Variants in CFAP47 observed in about 807,000 individuals in gnomAD.
CFAP47 encodes cilia- and flagella-associated protein 47.
Under a neutral mutation model 148.1 loss-of-function variants are expected in CFAP47, and 29 were observed. The observed-to-expected ratio is 0.20, with a 90% CI of 0.15 to 0.27. The LOEUF (loss-of-function observed/expected upper bound fraction) is 0.27, where lower values mean the gene tolerates loss of function less well. Ranked by LOEUF, CFAP47 falls within the 10% of genes least tolerant of loss-of-function variation. The pLI, the probability that CFAP47 is intolerant of heterozygous loss-of-function variation, is 1.00. For synonymous variants in CFAP47, 664 were observed against 577.3 expected (o/e 1.15, Z -2.15); for missense variants, 1,872 against 1,697.5 (o/e 1.10, Z -1.81).
At chrX:36,101,198 C>T (rs1390292191) in intron 32 of CFAP47, among the ~76,000 whole-genome samples, 3 of 112,127 alleles carry the variant, frequency 2.7e-5, no homozygotes, top group African/African-American at 6.5e-5. Flanking sequence ...CTCTGCTTCA[C>T]CAGAAGCATG....
chrX:36,144,096 C>T (rs1939190287), intron 35 of CFAP47, among the ~76,000 whole-genome samples: 1 of 112,121 alleles, frequency 8.9e-6, no homozygotes. Context: ...AAAAAATACA[C>T]TCTTTTCCTC....
chrX:36,256,567 C>T (rs1420628488), intron 49 of CFAP47, among the ~76,000 whole-genome samples: 2 of 111,442 alleles, frequency 1.8e-5, no homozygotes, highest in Non-Finnish European at 3.8e-5. Flanking sequence ...TGTATGAAGA[C>T]GTCATCAATC....
chrX:36,236,994 C>T, intron 48 of CFAP47, 135 bp downstream of exon 48: 1 of 390,114 alleles, frequency 2.6e-6, no homozygotes, highest in East Asian at 4.4e-5. Context: ...AAGATGTCTA[C>T]AATCCTACCT....
intron 27 of CFAP47, among the ~76,000 whole-genome samples, chrX:36,067,680 G>A (rs1208213741): frequency 1.0e-5 from 1 of 95,800 alleles, no homozygotes; most frequent in Non-Finnish European, 2.0e-5. Context: ...TTTTTTTCTT[G>A]GAGATGGAGT....
In CFAP47 at chrX:36,295,289, C is replaced by T. The variant is rs1445830605; in HGVS notation, c.7687-3688C>T. Among the ~76,000 whole-genome samples the T allele has an allele frequency of 3.6e-5, 4 of 112,087 alleles. No homozygotes were observed. The East Asian group carries it at 1.1e-3, about 31-fold the overall frequency. On this transcript the variant is annotated intron_variant, in intron 51 of 63. Coordinates refer to ENST00000378653, the MANE Select transcript of CFAP47 (RefSeq NM_001304548.2). ...AACACAAATTAACTTTAAAAGCCTA[C>T]TCATGAAAGTGGAGGAATATGCCAT...
At chrX:36,001,348 A>C (rs1256634077) in intron 20 of CFAP47, among the ~76,000 whole-genome samples, 1 of 111,328 alleles carries the variant, frequency 9.0e-6, no homozygotes, top group Non-Finnish European at 1.9e-5. Context: ...TAATTACTTG[A>C]CCTTGCCCTT....
At chrX:36,173,955 C>A (rs761200184) in intron 39 of CFAP47, among the ~76,000 whole-genome samples, 1 of 110,930 alleles carries the variant, frequency 9.0e-6, no homozygotes, top group Non-Finnish European at 1.9e-5. Context: ...GTAGGTCACT[C>A]AGGACTTGCT....
chrX:36,345,498 G>A (rs982157934), intron 57 of CFAP47, among the ~76,000 whole-genome samples: 4 of 111,388 alleles, frequency 3.6e-5, no homozygotes, highest in African/African-American at 1.3e-4. Flanking sequence ...AGCTCAGGTG[G>A]TAATGCTCAC....
intron 27 of CFAP47, among the ~76,000 whole-genome samples, chrX:36,070,596 A>C (rs1246389387): frequency 9.4e-6 from 1 of 106,129 alleles, no homozygotes; most frequent in Admixed American, 1.0e-4. Context: ...GGTTCAAGCG[A>C]TTCTCATGCC....
intron 62 of CFAP47, among the ~76,000 whole-genome samples, chrX:36,372,611 A>G (rs185469336): frequency 1.0e-3 from 112 of 111,666 alleles, no homozygotes; most frequent in African/African-American, 3.5e-3. Context: ...GGATGTTACT[A>G]TACTGAATAA....
At chrX:35,940,079 T>C (rs1935981749) in intron 2 of CFAP47, among the ~76,000 whole-genome samples, 1 of 111,649 alleles carries the variant, frequency 9.0e-6, no homozygotes, top group Admixed American at 9.5e-5. Context: ...GTTTTTTGGC[T>C]GCATAAATGT....
At chrX:36,238,708 A>G (rs898236582) in intron 48 of CFAP47, among the ~76,000 whole-genome samples, 2 of 111,944 alleles carry the variant, frequency 1.8e-5, no homozygotes, top group African/African-American at 6.5e-5. Flanking sequence ...CTTGATTATT[A>G]CTTATCTGGT....
intron 50 of CFAP47, among the ~76,000 whole-genome samples, chrX:36,281,803 A>T (rs1941081735): frequency 8.9e-6 from 1 of 111,800 alleles, no homozygotes; most frequent in Admixed American, 9.5e-5. Context: ...AATATTCAAA[A>T]TGATTTGGGA....
chrX:35,958,889 C>A (rs1339695663), intron 8 of CFAP47, among the ~76,000 whole-genome samples: 1 of 111,561 alleles, frequency 9.0e-6, no homozygotes, highest in Non-Finnish European at 1.9e-5. Context: ...TCTCAGGTTC[C>A]TTAAAAGTGG....
At chrX:36,206,093 A>G (rs1940035534) in intron 45 of CFAP47, among the ~76,000 whole-genome samples, 1 of 111,842 alleles carries the variant, frequency 8.9e-6, no homozygotes, top group Non-Finnish European at 1.9e-5. Flanking sequence ...AATAGGGATG[A>G]TAGATCCTAT....
chrX:36,179,507 A>G (rs988521399), intron 40 of CFAP47, 85 bp downstream of exon 40: 10 of 279,026 alleles, frequency 3.6e-5, no homozygotes, highest in African/African-American at 2.8e-4. Flanking sequence ...ATATAATTAC[A>G]CAATAGTTTA....
rs372145756 is a variant in CFAP47 at position 36,015,409 on chromosome X, G to A, written c.3556+497G>A. 7.4e-4 allele frequency among the ~76,000 whole-genome samples: 82 copies of A among 110,909 alleles called. 1 individual carries two copies. In the South Asian group the frequency reaches 0.021, roughly 28 times the overall value. On this transcript the variant is annotated intron_variant, in intron 22 of 63. Coordinates refer to ENST00000378653, the MANE Select transcript of CFAP47 (RefSeq NM_001304548.2). ...CAAATATTAAAAGATAAAAACTGAT[G>A]TACTCTGCAAATTACATTTTTGCAA...
chrX:35,966,043 C>T (rs1366870764), intron 8 of CFAP47, among the ~76,000 whole-genome samples: 1 of 109,412 alleles, frequency 9.1e-6, no homozygotes, highest in Non-Finnish European at 1.9e-5. Context: ...CCAGTGTTCT[C>T]TTTCCTCTTC....
intron 57 of CFAP47, among the ~76,000 whole-genome samples, chrX:36,335,412 AC>A (rs1382621782): frequency 7.2e-5 from 8 of 110,723 alleles, no homozygotes; most frequent in African/African-American, 2.6e-4. Context: ...GCTAACAAAT[AC>A]CCCCCGCCTC....
Sources: allele counts gnomAD v4.1 joint callset (sites outside exome capture counted in the v4.1 genomes callset), GRCh38; gene constraint gnomAD v4.1.1; transcripts MANE v1.5; gene names NCBI Gene and HGNC (gene_info 2026-07-23, HGNC 2026-07-21).